The following ZNF106 variants were observed in gnomAD, a reference collection of about 807,000 sequenced individuals.
ZNF106 encodes the protein zinc finger protein 106, also known as SH3-domain binding protein 3.
A neutral mutation model predicts 195.1 loss-of-function variants in ZNF106; 67 were observed. That is an observed-to-expected ratio of 0.34 (90% CI 0.28 to 0.42). The LOEUF (loss-of-function observed/expected upper bound fraction) is 0.42, where lower values mean the gene tolerates loss of function less well. Among genes scored for constraint, ZNF106 ranks in the 10% least tolerant of loss-of-function variants. The pLI is 1.00. For synonymous variants in ZNF106, 784 were observed against 818.6 expected, an observed-to-expected ratio of 0.96 and a Z score of 0.72; for missense variants, 2,118 against 2,304.5, an observed-to-expected ratio of 0.92 and a Z score of 1.66.
At chr15:42,469,871 AG>A (rs377667581) in intron 2 of ZNF106, among the ~76,000 whole-genome samples, 1 of 151,324 alleles carries the variant, frequency 6.6e-6, no homozygotes, top group Non-Finnish European at 1.5e-5. Flanking sequence ...AAAAAAAAAA[AG>A]AAAAAAAAGA....
chr15:42,444,028 C>G (rs1338493470), intron 9 of ZNF106, among the ~76,000 whole-genome samples, 174 bp downstream of exon 9: 1 of 143,420 alleles, frequency 7.0e-6, no homozygotes, highest in Non-Finnish European at 1.5e-5. Flanking sequence ...ACGAGTATCA[C>G]TTGAACCTGG....
At chr15:42,456,194 G>T in intron 4 of ZNF106, among the ~76,000 whole-genome samples, 1 of 152,134 alleles carries the variant, frequency 6.6e-6, no homozygotes, top group East Asian at 1.9e-4. Flanking sequence ...CCTAAGAAAT[G>T]TTATTTGGCA....
At chr15:42,419,485 T>G (rs528156319) in intron 20 of ZNF106, among the ~76,000 whole-genome samples, 1 of 151,604 alleles carries the variant, frequency 6.6e-6, no homozygotes, top group African/African-American at 2.4e-5. Flanking sequence ...GAAGCTGCAG[T>G]GACTGTTGTG....
chr15:42,439,574 G>T lies in ZNF106; in HGVS notation c.4003C>A (p.Leu1335Ile). The part of the protein sequence containing the change: ...SGSEACTSSF[L>I]RLSFASETPL... The stretch of plus-strand genomic sequence containing the variant: ...GTTTCTGAAGCAAAAGACAATCTTA[G>T]AAAAGAACTGGTACAGGCTTCAGAC... Residue 1335 changes from leucine (L) to isoleucine (I), a missense_variant, in exon 11 of 22, where the codon CTA becomes ATA. Coordinates refer to ENST00000564754, the MANE Select transcript of ZNF106 (RefSeq NM_001366845.3). 6.2e-7 allele frequency: 1 copy of T among 1,614,176 alleles called. No homozygotes were observed. The highest frequency in any genetic ancestry group is 1.7e-5 in the Admixed American group (1 of 60,000).
chr15:42,476,085 AT>A (rs1446657110), intron 1 of ZNF106, among the ~76,000 whole-genome samples: 1 of 152,094 alleles, frequency 6.6e-6, no homozygotes, highest in Non-Finnish European at 1.5e-5. Context: ...CTTTTTAGTT[AT>A]TTTTTCCTTT....
intron 21 of ZNF106, 49 bp downstream of exon 21, chr15:42,417,756 C>G: frequency 6.4e-7 from 1 of 1,570,268 alleles, no homozygotes; most frequent in East Asian, 2.3e-5. Flanking sequence ...AGCCCCTGCT[C>G]TGAGCAGTCT....
At chr15:42,427,447 G>A (rs1162751967) in intron 15 of ZNF106, 1 of 152,380 alleles carries the variant, frequency 6.6e-6, no homozygotes, top group Admixed American at 6.5e-5. Context: ...CTCTGGTTTA[G>A]GAAAGAATGA....
intron 2 of ZNF106, among the ~76,000 whole-genome samples, chr15:42,467,892 C>G (rs1026395603): frequency 3.0e-4 from 46 of 152,070 alleles, no homozygotes; most frequent in Non-Finnish European, 1.0e-4. Context: ...GGATTCAAAC[C>G]CAGGCAGATC....
In ZNF106 at chr15:42,450,587, T is replaced by C. The variant is rs1222381676; in HGVS notation, c.1685A>G (p.Lys562Arg). ...DNLNDTLRKAKEVLQCHESLQ... is the reference protein window; with the variant it reads ...DNLNDTLRKAREVLQCHESLQ... The stretch of plus-strand genomic sequence containing the variant: ...TGACTCATGACACTGTAGCACCTCT[T>C]TGGCCTTTCGTAAAGTATCATTTAA... The change falls in exon 5 of 22, where the codon AAA becomes AGA. Residue 562 changes from lysine to arginine, a missense_variant. By Grantham distance (26) the Lys-to-Arg change is conservative. Transcript: ENST00000564754. 3 of 1,614,088 alleles carry C rather than the reference T, an allele frequency of 1.9e-6. No individual in the cohort carries two copies. Among genetic ancestry groups the C allele is most frequent in the Non-Finnish European group, 2.5e-6 (3 of 1,180,054 alleles).
rs145338188 is a variant in ZNF106 at position 42,450,983 on chromosome 15, T to A, written c.1289A>T (p.Lys430Ile). 4.7e-5 allele frequency: 76 copies of A among 1,614,040 alleles called. No individual in the cohort carries two copies. Among genetic ancestry groups the A allele is most frequent in the Non-Finnish European group, 1.2e-5 (14 of 1,180,032 alleles). Residue 430 changes from lysine to isoleucine, a missense_variant, in exon 5 of 22, where the codon AAA becomes ATA. Transcript: ENST00000564754. ...ATTAAGAGATCCAGTATGTATTTCT[T>A]TTTGTGTTTTCTGTGTTGGGGAATT... ...TRNSPTQKTQ[K>I]EIHTGSLNHK...
intron 1 of ZNF106, among the ~76,000 whole-genome samples, chr15:42,477,855 A>AAC (rs1481213609): frequency 4.6e-5 from 7 of 152,194 alleles, no homozygotes; most frequent in Non-Finnish European, 1.5e-5. Flanking sequence ...GGGCCACTGC[A>AAC]CTCCAGCCTG....
At chr15:42,437,432 T>A in intron 12 of ZNF106, 55 bp from the exon 13 acceptor site, 1 of 1,587,344 alleles carries the variant, frequency 6.3e-7, no homozygotes, top group Non-Finnish European at 8.6e-7. Context: ...GAAAAGATAC[T>A]CAAAAATCAG....
At chr15:42,465,967 G>T (rs558400329) in intron 3 of ZNF106, 86 bp downstream of exon 3, 3 of 1,091,078 alleles carry the variant, frequency 2.7e-6, no homozygotes. Context: ...GCTTTTGACG[G>T]ATTACTGCAA....
In ZNF106 at chr15:42,442,340, G is replaced by A; in HGVS notation, c.3496C>T (p.Gln1166Ter). ...LTRERRNSRSQTSIDAALLPT... is the reference protein window; with the variant it reads ...LTRERRNSRS ...AGCAGTGCGGCATCAATGGATGTTTGAGATCTACTGTTCCTTCGTTCTCGT... is the reference window on the plus strand; with the variant it reads ...AGCAGTGCGGCATCAATGGATGTTTAAGATCTACTGTTCCTTCGTTCTCGT... The change falls in exon 10 of 22, where the codon CAA (glutamine) becomes TAA (stop). Residue 1166 changes from glutamine to a stop codon, truncating the protein, a stop_gained. Transcript: ENST00000564754. LOFTEE classifies it high-confidence loss of function. The A allele has an allele frequency of 6.2e-7, 1 of 1,614,194 alleles. No homozygotes were observed.
At position 42,455,841 on chromosome 15, in the gene ZNF106, A is replaced by T. The variant is rs1006515258; in HGVS notation, c.317+1117T>A. ...TGATTCTCTTCATGTTCTGGGACTT[A>T]AAAAATTATCCCACCTCATAAGTGC... On this transcript the variant is annotated intron_variant, in intron 4 of 21. Transcript: ENST00000564754. 3.9e-4 allele frequency among the ~76,000 whole-genome samples: 59 copies of T among 152,168 alleles called. 1 individual carries two copies. The highest frequency in any genetic ancestry group is 1.4e-3 in the African/African-American group (56 of 41,444).
chr15:42,436,016 C>T (rs373357883), intron 13 of ZNF106, among the ~76,000 whole-genome samples: 9 of 150,988 alleles, frequency 6.0e-5, no homozygotes, highest in African/African-American at 1.2e-4. Context: ...TGCAGTGGCG[C>T]GATCTCAGCT....
chr15:42,432,700 G>A lies in ZNF106; in HGVS notation c.4881+2684C>T, dbSNP rs750785262. On this transcript the variant is annotated intron_variant, in intron 14 of 21. Coordinates refer to ENST00000564754, the MANE Select transcript of ZNF106 (RefSeq NM_001366845.3). ...ATAGCCTAGGCAACATAGCAAGACC[G>A]TATTTCTAAAAAAAAAAAAAAAAAA... is the stretch of plus-strand genomic sequence containing the variant. Among the ~76,000 whole-genome samples, 7 of 131,834 alleles carry A rather than the reference G, an allele frequency of 5.3e-5. No individual in the cohort carries two copies. In the East Asian group the frequency reaches 8.3e-4, roughly 16 times the overall value. The allele number at this position is 131,834 out of a possible 152,430, so 86.5% of individuals were successfully genotyped here.
At chr15:42,428,912 C>T (rs536518625) in intron 14 of ZNF106, among the ~76,000 whole-genome samples, 11 of 151,802 alleles carry the variant, frequency 7.2e-5, no homozygotes, top group South Asian at 4.2e-4. Context: ...CACAGGCGCC[C>T]GCCACCACGC....
intron 1 of ZNF106, among the ~76,000 whole-genome samples, chr15:42,481,006 A>G (rs2056887154): frequency 6.6e-6 from 1 of 152,144 alleles, no homozygotes; most frequent in Non-Finnish European, 1.5e-5. Flanking sequence ...AAGTACCACT[A>G]CAGGTAATAT....
Sources: gnomAD v4.1 joint callset for allele counts (sites outside exome capture counted in the v4.1 genomes callset) on GRCh38, gnomAD v4.1.1 for gene constraint, MANE v1.5 for transcripts, NCBI Gene and HGNC (gene_info 2026-07-23, HGNC 2026-07-21) for gene names.